UGT1A10: variants seen among roughly 807,000 people sequenced by gnomAD.
The protein encoded by UGT1A10 is UDP-glucuronosyltransferase 1A10.
Under a neutral mutation model 45.8 loss-of-function variants are expected in UGT1A10, and 49 were observed. The ratio of observed to expected loss-of-function variants is 1.07; its 90% CI spans 0.85 to 1.36. UGT1A10 has a LOEUF of 1.36. UGT1A10 is among the 40% of genes most tolerant of loss of function. The pLI is 0.00. For synonymous variants in UGT1A10, 284 were observed against 249.7 expected, an observed-to-expected ratio of 1.14 and a Z score of -1.29; for missense variants, 745 against 668.6, an observed-to-expected ratio of 1.11 and a Z score of -1.26.
At chr2:233,677,532 C>G (rs1215310768) in intron 1 of UGT1A10, among the ~76,000 whole-genome samples, 1 of 151,860 alleles carries the variant, frequency 6.6e-6, no homozygotes, top group Non-Finnish European at 1.5e-5. Flanking sequence ...ATGCAGCTAG[C>G]TAGAGAAAAG....
intron 1 of UGT1A10, chr2:233,755,051 C>T (rs779353656): frequency 7.5e-6 from 10 of 1,331,260 alleles, no homozygotes; most frequent in East Asian, 4.6e-5. Context: ...AGCCGCCCTC[C>T]GCCCTCGCCT....
At chr2:233,760,396 G>A (rs1697431780) in intron 1 of UGT1A10, 1 of 1,614,010 alleles carries the variant, frequency 6.2e-7, no homozygotes, top group African/African-American at 1.3e-5. Flanking sequence ...CCCAGTGGAT[G>A]GCAGCCACTG....
intron 1 of UGT1A10, among the ~76,000 whole-genome samples, chr2:233,672,978 A>G (rs938132423): frequency 1.1e-4 from 16 of 152,170 alleles, no homozygotes; most frequent in African/African-American, 3.9e-4. Flanking sequence ...CTTCTTGAAG[A>G]TATGTATTTA....
At chr2:233,713,510 G>A (rs956773418) in intron 1 of UGT1A10, 1 of 1,613,794 alleles carries the variant, frequency 6.2e-7, no homozygotes, top group African/African-American at 1.3e-5. Flanking sequence ...TGTTTTTCTT[G>A]AGGAACATTC....
At chr2:233,703,921 C>T (rs932239618) in intron 1 of UGT1A10, among the ~76,000 whole-genome samples, 8 of 151,492 alleles carry the variant, frequency 5.3e-5, no homozygotes, top group African/African-American at 1.9e-4. Context: ...GACAAAATCT[C>T]ATTCTGTTAC....
intron 1 of UGT1A10, among the ~76,000 whole-genome samples, chr2:233,641,552 A>T (rs375524092): frequency 1.3e-5 from 2 of 152,244 alleles, no homozygotes; most frequent in Admixed American, 6.5e-5. Flanking sequence ...ACACACAGTT[A>T]CAATGTTATA....
At chr2:233,743,773 C>CT in intron 1 of UGT1A10, 1 of 1,367,366 alleles carries the variant, frequency 7.3e-7, no homozygotes, top group Non-Finnish European at 9.8e-7. Flanking sequence ...CCTCGGCCAC[C>CT]TGCTTGAATC....
intron 1 of UGT1A10, chr2:233,718,978 C>A (rs200639166): frequency 6.2e-7 from 1 of 1,614,096 alleles, no homozygotes; most frequent in Non-Finnish European, 8.5e-7. Flanking sequence ...GAGCTCCATG[C>A]CAGAGGCCAC....
intron 1 of UGT1A10, among the ~76,000 whole-genome samples, chr2:233,742,284 C>A (rs1006206335): frequency 1.3e-5 from 2 of 151,974 alleles, no homozygotes; most frequent in Non-Finnish European, 2.9e-5. Context: ...AGCATCATTT[C>A]TATAGATTAT....
At chr2:233,724,617 C>T (rs553228713) in intron 1 of UGT1A10, among the ~76,000 whole-genome samples, 3,256 of 135,154 alleles carry the variant, frequency 0.024, 113 homozygotes, top group African/African-American at 0.056. Context: ...CGGGCAGAGA[C>T]GCTCCTCACT....
intron 1 of UGT1A10, among the ~76,000 whole-genome samples, chr2:233,669,160 C>T (rs2074133105): frequency 6.6e-6 from 1 of 152,146 alleles, no homozygotes; most frequent in Non-Finnish European, 1.5e-5. Context: ...ACTTCTATTT[C>T]TGGGTATTCT....
At chr2:233,764,552 G>A (rs1387908555) in intron 1 of UGT1A10, among the ~76,000 whole-genome samples, 1 of 152,132 alleles carries the variant, frequency 6.6e-6, no homozygotes, top group East Asian at 1.9e-4. Flanking sequence ...CGTGTGGGAG[G>A]GTGTGCCTGG....
At chr2:233,747,630 C>G in intron 1 of UGT1A10, 1 of 1,577,990 alleles carries the variant, frequency 6.3e-7, no homozygotes, top group Non-Finnish European at 8.7e-7. Flanking sequence ...CCTGATCAGG[C>G]ACCTGAATGC....
chr2:233,713,285 A>G lies in UGT1A10; in HGVS notation c.856-53749A>G, dbSNP rs762192447. 2.5e-6 allele frequency: 4 copies of G among 1,614,230 alleles called. 1 individual carries two copies. Among genetic ancestry groups the G allele is most frequent in the South Asian group, 2.2e-5 (2 of 91,084 alleles). ...ATCGCCTTTTGCTGGGTCACACTCA[A>G]TCGTTCTTTGAAACAGAACATCTTC... On this transcript the variant is annotated intron_variant, in intron 1 of 4. Transcript: ENST00000344644.
intron 1 of UGT1A10, among the ~76,000 whole-genome samples, chr2:233,748,288 C>A (rs1342062213): frequency 1.3e-5 from 2 of 151,844 alleles, no homozygotes; most frequent in South Asian, 2.1e-4. Flanking sequence ...AAGAGGCAGA[C>A]ATGAATGTTT....
At chr2:233,693,845 A>C in intron 1 of UGT1A10, 1 of 1,614,152 alleles carries the variant, frequency 6.2e-7, no homozygotes, top group African/African-American at 1.3e-5. Flanking sequence ...CAACTGTAAG[A>C]AGAGGAAAGA....
At chr2:233,644,513 A>T (rs2073548444) in intron 1 of UGT1A10, among the ~76,000 whole-genome samples, 1 of 152,150 alleles carries the variant, frequency 6.6e-6, no homozygotes, top group Non-Finnish European at 1.5e-5. Flanking sequence ...GTGAGCCAAG[A>T]TCATACCACT....
At chr2:233,735,613 C>G (rs2078673556) in intron 1 of UGT1A10, among the ~76,000 whole-genome samples, 1 of 152,148 alleles carries the variant, frequency 6.6e-6, no homozygotes, top group African/African-American at 2.4e-5. Context: ...CATCGATAGT[C>G]TTTACAATTT....
At chr2:233,751,192 T>A (rs984172323) in intron 1 of UGT1A10, among the ~76,000 whole-genome samples, 4 of 151,858 alleles carry the variant, frequency 2.6e-5, no homozygotes, top group African/African-American at 9.7e-5. Context: ...AAGTTAAAGG[T>A]GATAATTTTG....
Sources: allele counts gnomAD v4.1 joint callset (sites outside exome capture counted in the v4.1 genomes callset), GRCh38; gene constraint gnomAD v4.1.1; transcripts MANE v1.5; gene names NCBI Gene and HGNC (gene_info 2026-07-23, HGNC 2026-07-21).